CAMK2D: variants seen among roughly 807,000 people sequenced by gnomAD.
The protein encoded by CAMK2D is calcium/calmodulin dependent protein kinase II delta.
A neutral mutation model predicts 84.0 loss-of-function variants in CAMK2D; 37 were observed. The observed-to-expected ratio is 0.44, with a 90% CI of 0.34 to 0.58. The LOEUF is 0.58. CAMK2D is among the 20% of genes least tolerant of loss of function. CAMK2D has a pLI of 0.02. For synonymous variants in CAMK2D, 202 were observed against 212.5 expected (o/e 0.95, Z 0.43); for missense variants, 448 against 652.5 (o/e 0.69, Z 3.41).
intron 2 of CAMK2D, among the ~76,000 whole-genome samples, chr4:113,746,631 G>A (rs902430671): frequency 6.6e-6 from 1 of 152,012 alleles, no homozygotes; most frequent in African/African-American, 2.4e-5. Context: ...GGTGAAGGGG[G>A]CAAAGTCAAC....
At chr4:113,633,094 T>C (rs1290634454) in intron 3 of CAMK2D, among the ~76,000 whole-genome samples, 1 of 152,150 alleles carries the variant, frequency 6.6e-6, no homozygotes, top group African/African-American at 2.4e-5. Context: ...ATTAGAAAAT[T>C]TGCAAGTAAA....
At chr4:113,642,386 TA>T (rs1181171956) in intron 3 of CAMK2D, among the ~76,000 whole-genome samples, 21 of 152,176 alleles carry the variant, frequency 1.4e-4, no homozygotes, top group African/African-American at 5.1e-4. Context: ...GAGGGACAGG[TA>T]GGAGGATTCC....
chr4:113,554,655 C>A (rs1399225704), intron 4 of CAMK2D, among the ~76,000 whole-genome samples: 1 of 152,018 alleles, frequency 6.6e-6, no homozygotes, highest in African/African-American at 2.4e-5. Flanking sequence ...AATTCAATGT[C>A]TTGAAGAGAA....
chr4:113,720,400 T>G (rs2148612519), intron 2 of CAMK2D, among the ~76,000 whole-genome samples: 1 of 147,362 alleles, frequency 6.8e-6, no homozygotes, highest in East Asian at 2.0e-4. Flanking sequence ...ACTCACACAT[T>G]TTAAAAAAAC....
chr4:113,611,387 T>C (rs2098999669), intron 3 of CAMK2D, among the ~76,000 whole-genome samples: 1 of 152,168 alleles, frequency 6.6e-6, no homozygotes, highest in Admixed American at 6.5e-5. Context: ...CATGGCTTCT[T>C]AAAGAACTCA....
Position 113,661,775 on chromosome 4 carries a change from G to T in CAMK2D, c.161-3C>A. The T allele has an allele frequency of 4.2e-6, 6 of 1,415,156 alleles. No homozygotes were observed. Among genetic ancestry groups the T allele is most frequent in the South Asian group, 1.3e-5 (1 of 75,132 alleles). The allele number at this position is 1,415,156 out of a possible 1,614,324, so 87.7% of individuals were successfully genotyped here. Reference sequence around the variant, plus strand: ...TTCTCTTTCTAGTTTCTGATGATCTGTTAAAAAAAAAAACAGAATAAGGCA... The same window carrying T: ...TTCTCTTTCTAGTTTCTGATGATCTTTTAAAAAAAAAAACAGAATAAGGCA... On this transcript the variant is annotated splice_region_variant and splice_polypyrimidine_tract_variant and intron_variant, in intron 2 of 20. Coordinates refer to ENST00000511664, the MANE Select transcript of CAMK2D (RefSeq NM_001321571.2).
intron 2 of CAMK2D, among the ~76,000 whole-genome samples, chr4:113,731,668 C>T (rs1036126408): frequency 6.6e-6 from 1 of 151,204 alleles, no homozygotes; most frequent in African/African-American, 2.4e-5. Flanking sequence ...TCACTGCAAC[C>T]TCCGCCTCCC....
intron 3 of CAMK2D, among the ~76,000 whole-genome samples, chr4:113,617,013 C>T (rs1341789914): frequency 6.6e-6 from 1 of 152,072 alleles, no homozygotes; most frequent in Non-Finnish European, 1.5e-5. Context: ...GAAAAATCTT[C>T]CTTCCCTCTT....
At chr4:113,533,010 A>G (rs1193765834) in intron 7 of CAMK2D, among the ~76,000 whole-genome samples, 1 of 152,068 alleles carries the variant, frequency 6.6e-6, no homozygotes, top group Non-Finnish European at 1.5e-5. Context: ...TCTTCTGTCT[A>G]AATCAGTAAA....
intron 14 of CAMK2D, chr4:113,503,251 T>C (rs1356033650): frequency 1.5e-6 from 1 of 661,962 alleles, no homozygotes; most frequent in Non-Finnish European, 2.8e-6. Flanking sequence ...TTTAGAGATC[T>C]GAAGAGGCAC....
intron 2 of CAMK2D, among the ~76,000 whole-genome samples, chr4:113,698,466 C>T (rs1029875261): frequency 6.6e-6 from 1 of 152,034 alleles, no homozygotes; most frequent in Non-Finnish European, 1.5e-5. Context: ...AAAGCACATG[C>T]CATATGTATA....
chr4:113,599,854 A>G (rs1206439025), intron 4 of CAMK2D, among the ~76,000 whole-genome samples: 1 of 152,166 alleles, frequency 6.6e-6, no homozygotes, highest in African/African-American at 2.4e-5. Flanking sequence ...TATCCTCATC[A>G]TCTTCACATT....
chr4:113,600,280 A>T (rs2154259202), intron 4 of CAMK2D, among the ~76,000 whole-genome samples: 1 of 152,306 alleles, frequency 6.6e-6, no homozygotes, highest in African/African-American at 2.4e-5. Context: ...AGCATAAATT[A>T]TGGACTCTAG....
intron 2 of CAMK2D, among the ~76,000 whole-genome samples, chr4:113,711,241 A>G (rs2099491550): frequency 6.6e-6 from 1 of 151,354 alleles, no homozygotes; most frequent in African/African-American, 2.4e-5. Context: ...CTTAAAGTTG[A>G]AAATATATTA....
chr4:113,700,465 G>A lies in CAMK2D; in HGVS notation c.161-38693C>T, dbSNP rs377163694. 4.5e-4 allele frequency among the ~76,000 whole-genome samples: 69 copies of A among 152,190 alleles called. 3 individuals are homozygous for A. In the South Asian group the frequency reaches 0.013, roughly 29 times the overall value. ...GGGCATGATTCTAAAAGGTAGTCTT[G>A]TGCCACACTTCCCAACCTTGTTAAC... On this transcript the variant is annotated intron_variant, in intron 2 of 20. Transcript: ENST00000511664.
chr4:113,668,606 A>G (rs1359964107), intron 2 of CAMK2D, among the ~76,000 whole-genome samples: 4 of 152,200 alleles, frequency 2.6e-5, no homozygotes, highest in Admixed American at 6.5e-5. Flanking sequence ...GTATCCTATT[A>G]TAAAAATAAC....
Position 113,704,501 on chromosome 4 carries a change from T to G in CAMK2D, c.161-42729A>C, listed in dbSNP as rs80330058. Among the ~76,000 whole-genome samples, 1,138 of 152,316 alleles carry G rather than the reference T, an allele frequency of 7.5e-3. 15 individuals carry two copies. The highest frequency in any genetic ancestry group is 0.026 in the African/African-American group (1,062 of 41,578). Reference sequence around the variant, plus strand: ...TTTATTCTTACTAGAAACACGTATATTGTAATGTATACCAACAGAGAATAA... The same window carrying G: ...TTTATTCTTACTAGAAACACGTATAGTGTAATGTATACCAACAGAGAATAA... On this transcript the variant is annotated intron_variant, in intron 2 of 20. Transcript: ENST00000511664.
intron 8 of CAMK2D, among the ~76,000 whole-genome samples, chr4:113,526,224 C>T (rs2098416235): frequency 6.6e-6 from 1 of 152,150 alleles, no homozygotes; most frequent in Non-Finnish European, 1.5e-5. Flanking sequence ...TCCACACAGT[C>T]TCTAAAGAAA....
intron 16 of CAMK2D, among the ~76,000 whole-genome samples, chr4:113,477,111 T>C (rs903075039): frequency 6.6e-5 from 10 of 152,156 alleles, no homozygotes; most frequent in Non-Finnish European, 1.3e-4. Context: ...AACATCACTG[T>C]CTCAGTGTAT....
Sources: gnomAD v4.1 joint callset for allele counts (sites outside exome capture counted in the v4.1 genomes callset) on GRCh38, gnomAD v4.1.1 for gene constraint, MANE v1.5 for transcripts, NCBI Gene and HGNC (gene_info 2026-07-23, HGNC 2026-07-21) for gene names.